The following DSC3 variants were observed in gnomAD, a reference collection of about 807,000 sequenced individuals.
DSC3 encodes the protein desmocollin 3.
A neutral mutation model predicts 89.5 loss-of-function variants in DSC3; 97 were observed. The observed-to-expected ratio is 1.08, with a 90% CI of 0.92 to 1.28. The LOEUF is 1.28. DSC3 is among the 50% of genes most tolerant of loss of function. The pLI is 0.00. For missense variants in DSC3, 1,199 were observed against 1,085.3 expected (o/e 1.10, Z -1.47); for synonymous variants, 436 against 384.1 (o/e 1.14, Z -1.58).
chr18:31,010,417 T>C (rs934620037), intron 9 of DSC3, among the ~76,000 whole-genome samples: 4 of 152,176 alleles, frequency 2.6e-5, no homozygotes, highest in African/African-American at 9.7e-5. Context: ...GTGCAACTAT[T>C]CAATCCAGAA....
chr18:31,006,494 TTCA>T (rs1984847705), intron 12 of DSC3, among the ~76,000 whole-genome samples: 1 of 152,030 alleles, frequency 6.6e-6, no homozygotes, highest in African/African-American at 2.4e-5. Flanking sequence ...GAGATGGGGT[TTCA>T]CCATGTTGGC....
chr18:31,038,642 A>G (rs1485744567), intron 1 of DSC3, among the ~76,000 whole-genome samples: 1 of 152,060 alleles, frequency 6.6e-6, no homozygotes, highest in Admixed American at 6.5e-5. Context: ...GATACCCTCT[A>G]TTGCTCATTT....
chr18:31,017,530 T>C (rs533566975), intron 9 of DSC3, among the ~76,000 whole-genome samples: 1 of 152,278 alleles, frequency 6.6e-6, no homozygotes, highest in South Asian at 2.1e-4. Flanking sequence ...GAGATAATAC[T>C]AAATTTCATT....
At chr18:31,025,967 A>G in intron 4 of DSC3, 52 bp from the exon 5 acceptor site, 1 of 1,509,134 alleles carries the variant, frequency 6.6e-7, no homozygotes, top group Non-Finnish European at 9.1e-7. Flanking sequence ...TTCAGTTACA[A>G]TATTTTTTAA....
At chr18:31,038,233 T>A (rs550808333) in intron 1 of DSC3, among the ~76,000 whole-genome samples, 1 of 152,374 alleles carries the variant, frequency 6.6e-6, no homozygotes, top group African/African-American at 2.4e-5. Flanking sequence ...AGAAGAGTTC[T>A]GTATTTTTTT....
At chr18:30,999,893 C>T (rs1211884478) in intron 14 of DSC3, among the ~76,000 whole-genome samples, 3 of 152,098 alleles carry the variant, frequency 2.0e-5, no homozygotes, top group Non-Finnish European at 4.4e-5. Flanking sequence ...GTTCCTAACA[C>T]AGAACAGGTA....
chr18:31,016,858 G>A (rs1478786950), intron 9 of DSC3, among the ~76,000 whole-genome samples: 1 of 152,148 alleles, frequency 6.6e-6, no homozygotes, highest in African/African-American at 2.4e-5. Context: ...AAGATGACTA[G>A]CTCAATAATG....
Position 31,007,249 on chromosome 18 carries a change from G to A in DSC3, c.1664-118C>T, listed in dbSNP as rs1984885448. 7 of 699,490 alleles carry A rather than the reference G, an allele frequency of 1.0e-5. No individual in the cohort carries two copies. In the East Asian group the frequency reaches 1.9e-4, roughly 19 times the overall value. The allele number at this position is 699,490 out of a possible 1,614,324, so 43.3% of individuals were successfully genotyped here. On this transcript the variant is annotated intron_variant, in intron 11 of 15. Transcript: ENST00000360428. ...GTTTTTAAATAAACTGATTATTAAA[G>A]GAAATGATAAATAAATAAGAACATA...
In DSC3 at chr18:31,012,477, A is replaced by G. The variant is rs1201370807; in HGVS notation, c.1264-3952T>C. On this transcript the variant is annotated intron_variant, in intron 9 of 15. Transcript: ENST00000360428. ...CTGGGTTTGTATCTTGGCTGTATGA[A>G]CAGAGTTATCTCTCCTAGATAGTCT... Among the ~76,000 whole-genome samples the G allele has an allele frequency of 3.9e-5, 6 of 152,302 alleles. No individual in the cohort carries two copies. The East Asian group carries it at 1.2e-3, about 29-fold the overall frequency.
intron 4 of DSC3, among the ~76,000 whole-genome samples, chr18:31,027,700 T>C (rs1985646907): frequency 6.6e-6 from 1 of 152,148 alleles, no homozygotes; most frequent in Non-Finnish European, 1.5e-5. Flanking sequence ...TAATGTCTTC[T>C]CTATTATGGA....
rs276921 is a variant in DSC3 at position 31,025,795 on chromosome 18, G to T, written c.595C>A (p.Arg199=). Residue 199 remains arginine (R), a synonymous_variant, in exon 5 of 16, where the codon CGG becomes AGG. Transcript: ENST00000360428. ...TCATATTCTTCACGATCCACAGGCC[G>T]AGTGCAAAATAGATTTCCAGTGTCT... ...ERDTGNLFCT[R]PVDREEYDVF... is the part of the protein sequence containing the mutation. The T allele has an allele frequency of 2.5e-6, 4 of 1,613,072 alleles. No individual in the cohort carries two copies. Among genetic ancestry groups the T allele is most frequent in the East Asian group, 2.2e-5 (1 of 44,818 alleles).
At chr18:31,041,160 G>A (rs947652205) in intron 1 of DSC3, among the ~76,000 whole-genome samples, 12 of 152,100 alleles carry the variant, frequency 7.9e-5, no homozygotes, top group Admixed American at 7.9e-4. Flanking sequence ...AGCCTCGAGC[G>A]AATGCGAGAA....
chr18:31,017,977 G>T (rs1985289168), intron 9 of DSC3, 94 bp downstream of exon 9: 11 of 1,067,002 alleles, frequency 1.0e-5, no homozygotes, highest in Non-Finnish European at 1.5e-5. Context: ...CTTCCAACTT[G>T]TAGAGTCTAT....
At chr18:31,019,282 G>A (rs1163443926) in intron 7 of DSC3, among the ~76,000 whole-genome samples, 1 of 151,972 alleles carries the variant, frequency 6.6e-6, no homozygotes, top group African/African-American at 2.4e-5. Flanking sequence ...GTAGAGACGG[G>A]GTTTCACCAT....
intron 14 of DSC3, among the ~76,000 whole-genome samples, chr18:31,000,936 A>G (rs1007418790): frequency 6.6e-6 from 1 of 151,674 alleles, no homozygotes; most frequent in South Asian, 2.1e-4. Context: ...ATAAGTTGGC[A>G]TCTTTTTGAG....
At chr18:31,022,605 A>T in intron 6 of DSC3, 103 bp from the exon 7 acceptor site, 1 of 1,330,080 alleles carries the variant, frequency 7.5e-7, no homozygotes, top group Non-Finnish European at 1.1e-6. Flanking sequence ...ATAGAAACCT[A>T]ATCTAAAATG....
At chr18:31,011,755 G>A (rs1567954048) in intron 9 of DSC3, among the ~76,000 whole-genome samples, 1 of 151,770 alleles carries the variant, frequency 6.6e-6, no homozygotes, top group Non-Finnish European at 1.5e-5. Context: ...CACTTTGGGA[G>A]GCCAAGGCGG....
At chr18:31,014,539 T>C (rs2144703046) in intron 9 of DSC3, among the ~76,000 whole-genome samples, 1 of 152,250 alleles carries the variant, frequency 6.6e-6, no homozygotes, top group South Asian at 2.1e-4. Context: ...TGAAAATTAC[T>C]GGCCTTATTA....
In DSC3 at chr18:30,992,652, ACC is replaced by A. The variant is rs1984308459; in HGVS notation, c.*1521_*1522del. 1 of 152,242 alleles carries A rather than the reference ACC, an allele frequency of 6.6e-6. No individual in the cohort carries two copies. The highest frequency in any genetic ancestry group is 1.9e-4 in the East Asian group (1 of 5,200). 9.4% of individuals were successfully genotyped at this position (152,242 alleles called of 1,614,324 possible). On this transcript the variant is annotated 3_prime_UTR_variant, in exon 16 of 16. Coordinates refer to ENST00000360428, the MANE Select transcript of DSC3 (RefSeq NM_001941.5). ...CTGTTGCCCTCTGACTGTACAAATA[ACC>A]TACTTGGGCTGCTTTCTCCCAAAGT...
Sources: gnomAD v4.1 joint callset for allele counts (sites outside exome capture counted in the v4.1 genomes callset) on GRCh38, gnomAD v4.1.1 for gene constraint, MANE v1.5 for transcripts, NCBI Gene and HGNC (gene_info 2026-07-23, HGNC 2026-07-21) for gene names.